Variants in PLCE1 observed in about 807,000 individuals in gnomAD.
The protein encoded by PLCE1 is 1-phosphatidylinositol 4,5-bisphosphate phosphodiesterase epsilon-1.
PLCE1 carries 119 observed loss-of-function variants against 242.8 expected under a neutral mutation model. The observed-to-expected ratio is 0.49, with a 90% confidence interval of 0.42 to 0.57. The LOEUF (loss-of-function observed/expected upper bound fraction) is 0.57, where lower values mean the gene tolerates loss of function less well. Ranked by LOEUF, PLCE1 falls within the 20% of genes least tolerant of loss-of-function variation. The pLI, the probability that PLCE1 is intolerant of heterozygous loss-of-function variation, is 0.00. For missense variants in PLCE1, 2,441 were observed against 2,788.8 expected, an observed-to-expected ratio of 0.88 and a Z score of 2.81; for synonymous variants, 945 against 1,017.4, an observed-to-expected ratio of 0.93 and a Z score of 1.35.
chr10:94,213,040 A>G (rs980980647), intron 4 of PLCE1, among the ~76,000 whole-genome samples: 3 of 151,968 alleles, frequency 2.0e-5, no homozygotes. Flanking sequence ...CCCTTGTTTG[A>G]CTCCCCGAAT....
intron 2 of PLCE1, among the ~76,000 whole-genome samples, chr10:94,115,885 C>G (rs1397663222): frequency 6.6e-6 from 1 of 152,178 alleles, no homozygotes; most frequent in South Asian, 2.1e-4. Context: ...TTTCCTGCCT[C>G]GTGTTAACTT....
intron 4 of PLCE1, 38 bp from the exon 5 acceptor site, chr10:94,227,268 G>A (rs760697476): frequency 6.2e-7 from 1 of 1,607,556 alleles, no homozygotes; most frequent in Non-Finnish European, 8.5e-7. Flanking sequence ...CAAGCTTCTA[G>A]GACATAATTC....
intron 4 of PLCE1, among the ~76,000 whole-genome samples, chr10:94,197,222 T>C (rs2048848544): frequency 6.6e-6 from 1 of 152,248 alleles, no homozygotes; most frequent in Admixed American, 6.5e-5. Context: ...TACCACATAT[T>C]GTTTATTGGT....
In PLCE1 at chr10:94,284,914, G is replaced by T; in HGVS notation, c.4984G>T (p.Ala1662Ser). 1 of 1,612,202 alleles carries T rather than the reference G, an allele frequency of 6.2e-7. No individual in the cohort carries two copies. Among genetic ancestry groups the T allele is most frequent in the Non-Finnish European group, 8.5e-7 (1 of 1,178,432 alleles). Residue 1662 changes from alanine to serine, a missense_variant, in exon 22 of 33, where the codon GCA becomes TCA. Ala to Ser is a moderately conservative substitution (Grantham distance 99). Around this residue, in one of 5 missense-constraint regions of PLCE1, gnomAD observed 1,004 missense variants for 1,322.7 expected, o/e 0.76. Transcript: ENST00000371380. ...DQNKKESRQIAPELSDLVIYC... is the reference protein window; with the variant it reads ...DQNKKESRQISPELSDLVIYC... Reference sequence around the variant, plus strand: ...GAATAAAAAGGAAAGCAGACAGATTGCACCAGAGCTTTCTGACCTTGTAAT... The same window carrying T: ...GAATAAAAAGGAAAGCAGACAGATTTCACCAGAGCTTTCTGACCTTGTAAT...
At position 94,116,778 on chromosome 10, in the gene PLCE1, A is replaced by G. The variant is rs186366874; in HGVS notation, c.1207-15396A>G. On this transcript the variant is annotated intron_variant, in intron 2 of 32. Transcript: ENST00000371380. Reference sequence around the variant, plus strand: ...GAAACCTGTTGGATGAACTGATGAAACCCCAAATTTACCCAGCCAGTAATG... The same window carrying G: ...GAAACCTGTTGGATGAACTGATGAAGCCCCAAATTTACCCAGCCAGTAATG... 4.3e-3 allele frequency among the ~76,000 whole-genome samples: 661 copies of G among 152,214 alleles called. 6 individuals are homozygous for G. Among genetic ancestry groups the G allele is most frequent in the African/African-American group, 0.015 (636 of 41,520 alleles).
At chr10:94,020,498 T>G (rs2061357739) in intron 1 of PLCE1, among the ~76,000 whole-genome samples, 2 of 152,132 alleles carry the variant, frequency 1.3e-5, no homozygotes, top group Non-Finnish European at 2.9e-5. Context: ...CAATTTACCA[T>G]TTTTTTATTC....
chr10:94,039,299 A>G (rs1273185804), intron 2 of PLCE1, among the ~76,000 whole-genome samples: 3 of 152,102 alleles, frequency 2.0e-5, no homozygotes, highest in Admixed American at 6.5e-5. Context: ...TAATCTTTTC[A>G]GGAATGGCCA....
At chr10:94,179,512 G>GTTTTTTTTTTTGTTTTGTT (rs2048230259) in intron 4 of PLCE1, among the ~76,000 whole-genome samples, 1 of 19,398 alleles carries the variant, frequency 5.2e-5, no homozygotes, top group African/African-American at 1.6e-4. Context: ...TTTTAGTTTA[G>GTTTTTTTTTTTGTTTTGTT]TTTTTTTTTT....
intron 2 of PLCE1, among the ~76,000 whole-genome samples, chr10:94,126,335 A>G (rs151048908): frequency 2.5e-4 from 38 of 152,336 alleles, no homozygotes; most frequent in African/African-American, 8.7e-4. Context: ...GTGACCAAAT[A>G]TAACAACTTT....
At chr10:94,154,719 A>T (rs1427915114) in intron 3 of PLCE1, among the ~76,000 whole-genome samples, 1 of 151,994 alleles carries the variant, frequency 6.6e-6, no homozygotes, top group Non-Finnish European at 1.5e-5. Context: ...CAACATCATT[A>T]GTCGTTAGGA....
chr10:94,262,818 C>G (rs1411679432), intron 14 of PLCE1, 86 bp downstream of exon 14: 1 of 971,548 alleles, frequency 1.0e-6, no homozygotes, highest in East Asian at 2.4e-5. Context: ...TCTTTCTATA[C>G]TTCTTTCCAA....
chr10:94,056,261 A>G (rs935416223), intron 2 of PLCE1, among the ~76,000 whole-genome samples: 3 of 152,166 alleles, frequency 2.0e-5, no homozygotes, highest in Non-Finnish European at 2.9e-5. Context: ...AAAAGCAGAG[A>G]GAGGGTTGGA....
chr10:94,132,044 G>T, intron 2 of PLCE1, 130 bp from the exon 3 acceptor site: 2 of 802,812 alleles, frequency 2.5e-6, no homozygotes, highest in Non-Finnish European at 4.2e-6. Context: ...TGAGCCGAGT[G>T]CTCAGAGTGT....
At chr10:94,143,837 TA>T (rs1165300091) in intron 3 of PLCE1, among the ~76,000 whole-genome samples, 3 of 152,184 alleles carry the variant, frequency 2.0e-5, no homozygotes, top group Admixed American at 6.5e-5. Flanking sequence ...ACAACAAACT[TA>T]AAAAAATATT....
At chr10:94,136,889 T>G (rs1204696119) in intron 3 of PLCE1, among the ~76,000 whole-genome samples, 1 of 152,236 alleles carries the variant, frequency 6.6e-6, no homozygotes, top group Admixed American at 6.5e-5. Flanking sequence ...CCTCCACTAG[T>G]TTGATACATT....
chr10:94,054,941 G>A (rs1434029385), intron 2 of PLCE1, among the ~76,000 whole-genome samples: 1 of 151,506 alleles, frequency 6.6e-6, no homozygotes. Flanking sequence ...GAATCTGGGA[G>A]GCAGAACTTG....
chr10:94,060,404 T>G (rs1381379437), intron 2 of PLCE1, among the ~76,000 whole-genome samples: 2 of 152,144 alleles, frequency 1.3e-5, no homozygotes, highest in Non-Finnish European at 2.9e-5. Flanking sequence ...GTTAGAAATT[T>G]TAATTTATAT....
At position 94,324,487 on chromosome 10, in the gene PLCE1, G is replaced by C. The variant is rs373489516; in HGVS notation, c.6640G>C (p.Asp2214His). The change falls in exon 31 of 33, where the codon GAT (aspartate) becomes CAT (histidine). Residue 2214 changes from aspartate (D) to histidine (H), a missense_variant. Physicochemically the swap from Asp to His is moderately conservative, Grantham distance 81 (BLOSUM62 -1). Coordinates refer to ENST00000371380, the MANE Select transcript of PLCE1 (RefSeq NM_016341.4). ...TPKSSQRVLL[D>H]QECVFQAQSK... The stretch of plus-strand genomic sequence containing the variant: ...AAAGTCCTCTCAGCGGGTCCTTCTG[G>C]ATCAGGAGTGTGTGTTTCAAGCCCA... The C allele has an allele frequency of 3.1e-6, 5 of 1,614,202 alleles. No individual in the cohort carries two copies. The highest frequency in any genetic ancestry group is 2.2e-5 in the South Asian group (2 of 91,072).
chr10:94,125,328 A>G (rs191526160), intron 2 of PLCE1, among the ~76,000 whole-genome samples: 210 of 152,310 alleles, frequency 1.4e-3, no homozygotes, highest in African/African-American at 4.9e-3. Context: ...TTGGTTTGGT[A>G]GTTAACAGCA....
Sources: gnomAD v4.1 joint callset for allele counts (sites outside exome capture counted in the v4.1 genomes callset) on GRCh38, gnomAD v4.1.1 for gene constraint, gnomAD v4.1.1 regional missense constraint, MANE v1.5 for transcripts, NCBI Gene and HGNC (gene_info 2026-07-23, HGNC 2026-07-21) for gene names.